TLE2: variants seen among roughly 807,000 people sequenced by gnomAD.
The protein encoded by TLE2 is TLE family member 2, transcriptional corepressor, also known as transducin-like enhancer protein 2.
A neutral mutation model predicts 97.2 loss-of-function variants in TLE2; 74 were observed. That is an observed-to-expected ratio of 0.76 (90% confidence interval 0.63 to 0.92). The LOEUF (loss-of-function observed/expected upper bound fraction) is 0.92. Among genes scored for constraint, TLE2 ranks in the 40% least tolerant of loss-of-function variants. The pLI is 0.00. For synonymous variants in TLE2, 499 were observed against 432.1 expected, an observed-to-expected ratio of 1.15 and a Z score of -1.92; for missense variants, 1,038 against 1,008.7, an observed-to-expected ratio of 1.03 and a Z score of -0.39.
At chr19:3,003,358 C>A (rs1251091545) in intron 17 of TLE2, among the ~76,000 whole-genome samples, 1 of 152,038 alleles carries the variant, frequency 6.6e-6, no homozygotes, top group African/African-American at 2.4e-5. Flanking sequence ...CAGGCCTTGG[C>A]CGGGCTCTGT....
At chr19:3,042,018 G>C (rs1456568765) in intron 1 of TLE2, among the ~76,000 whole-genome samples, 1 of 151,874 alleles carries the variant, frequency 6.6e-6, no homozygotes, top group South Asian at 2.1e-4. Context: ...TTAGCCACGC[G>C]GGCCCGGCCC....
intron 5 of TLE2, among the ~76,000 whole-genome samples, chr19:3,023,682 C>T (rs552159567): frequency 2.0e-5 from 3 of 151,984 alleles, no homozygotes; most frequent in Non-Finnish European, 2.9e-5. Context: ...TGCTTGAGTC[C>T]GGGGGTTCGA....
chr19:3,032,793 G>T (rs568815172), upstream of TLE2, among the ~76,000 whole-genome samples: 5 of 152,164 alleles, frequency 3.3e-5, no homozygotes, highest in African/African-American at 1.2e-4. The surrounding 1 kb of genome is among the most constrained non-coding windows in gnomAD (Gnocchi z 4.1). Flanking sequence ...TTGGGGGTCT[G>T]TGAAGTGCTG....
upstream of TLE2, chr19:3,047,564 A>T (rs1263098012): frequency 1.3e-5 from 2 of 150,726 alleles, no homozygotes; most frequent in Non-Finnish European, 1.5e-5. Context: ...AATACTTACT[A>T]TTGTTATTAT....
At chr19:2,999,518 G>T (rs569647738) in intron 19 of TLE2, among the ~76,000 whole-genome samples, 7 of 151,066 alleles carry the variant, frequency 4.6e-5, no homozygotes, top group African/African-American at 1.7e-4. Context: ...ATGAGGTCAG[G>T]AGATCAAGAC....
At chr19:3,042,483 G>A (rs2145235628) in intron 1 of TLE2, among the ~76,000 whole-genome samples, 1 of 146,260 alleles carries the variant, frequency 6.8e-6, no homozygotes, top group South Asian at 2.3e-4. Context: ...GGGGGCGGGA[G>A]CGGGGACGGG....
chr19:3,027,292 G>T (rs751915562), intron 4 of TLE2, among the ~76,000 whole-genome samples: 3 of 152,342 alleles, frequency 2.0e-5, no homozygotes, highest in Middle Eastern at 3.4e-3. Context: ...GTCTATTTTG[G>T]AGTAGTGGGG....
intron 9 of TLE2, 96 bp from the exon 10 acceptor site, chr19:3,014,710 G>C: frequency 8.4e-7 from 1 of 1,195,326 alleles, no homozygotes; most frequent in Non-Finnish European, 1.1e-6. Flanking sequence ...AGCCCAGCCA[G>C]CCCTGGGGCA....
At chr19:3,026,737 A>G (rs2089952375) in intron 4 of TLE2, among the ~76,000 whole-genome samples, 2 of 149,992 alleles carry the variant, frequency 1.3e-5, no homozygotes, top group African/African-American at 2.5e-5. Flanking sequence ...GTTCAGGAAC[A>G]CCTCAGAACC....
Position 3,013,712 on chromosome 19 carries a change from G to A in TLE2, c.830C>T (p.Ser277Phe), listed in dbSNP as rs771368337. 6.6e-7 allele frequency: 1 copy of A among 1,525,678 alleles called. No individual in the cohort carries two copies. Among genetic ancestry groups the A allele is most frequent in the Non-Finnish European group, 8.8e-7 (1 of 1,137,796 alleles). 94.5% of individuals were successfully genotyped at this position (1,525,678 alleles called of 1,614,324 possible). ...DLVDSPASLA[S>F]SLGSPLPRAK... ...TCTAGGCAGCGGTGAGCCAAGGCTA[G>A]AGGCCAAGGAGGCTGGACTGTCCAC... The change falls in exon 11 of 20, where the codon TCT becomes TTT. Residue 277 changes from serine to phenylalanine, a missense_variant. By Grantham distance (155) the Ser-to-Phe change is radical. Transcript: ENST00000262953.
rs78369506 is a variant in TLE2, at chr19:3,039,629, C to T, written c.63+6097G>A. Among the ~76,000 whole-genome samples, 1,084 of 152,302 alleles carry T rather than the reference C, an allele frequency of 7.1e-3. 16 individuals carry two copies. Among genetic ancestry groups the T allele is most frequent in the African/African-American group, 0.025 (1,058 of 41,568 alleles). ...TCTGGGAACACATACTATCTGCTCC[C>T]TCCTGTGTGTACGGTCTGCCCAGGC... is the stretch of plus-strand genomic sequence containing the variant. On this transcript the variant is annotated intron_variant, in intron 1 of 18. Coordinates refer to the TLE2 transcript ENST00000426948.
At chr19:3,018,701 G>A (rs568873997) in intron 7 of TLE2, among the ~76,000 whole-genome samples, 169 of 151,328 alleles carry the variant, frequency 1.1e-3, no homozygotes, top group Non-Finnish European at 1.9e-3. Flanking sequence ...TGCAACCTCC[G>A]CCTCCCAGGT....
chr19:3,022,473 G>T (rs904937125), intron 5 of TLE2, among the ~76,000 whole-genome samples: 2 of 151,012 alleles, frequency 1.3e-5, no homozygotes, highest in East Asian at 3.9e-4. Flanking sequence ...AGATTGCAGT[G>T]AGCTGAGATC....
In TLE2 at chr19:3,025,097, T is replaced by C. The variant is rs774882893; in HGVS notation, c.232-15A>G. 36 of 1,595,000 alleles carry C rather than the reference T, an allele frequency of 2.3e-5. No homozygotes were observed. Among genetic ancestry groups the C allele is most frequent in the African/African-American group, 5.4e-5 (4 of 74,356 alleles). Reference sequence around the variant, plus strand: ...ACAATCTCCGCCTGGCAGGAAGCAATGAGAGGAAGCTTGGAGCGGGGTAGA... The same window carrying C: ...ACAATCTCCGCCTGGCAGGAAGCAACGAGAGGAAGCTTGGAGCGGGGTAGA... On this transcript the variant is annotated splice_polypyrimidine_tract_variant and intron_variant, in intron 4 of 19. Transcript: ENST00000262953.
chr19:3,009,925 G>A (rs957029437), intron 12 of TLE2, among the ~76,000 whole-genome samples: 6 of 149,870 alleles, frequency 4.0e-5, no homozygotes, highest in East Asian at 2.0e-4. Context: ...TTGCTCTGTC[G>A]CCAGGCTGGA....
At chr19:3,046,792 A>G (rs1209524871), upstream of TLE2, among the ~76,000 whole-genome samples, 1 of 151,872 alleles carries the variant, frequency 6.6e-6, no homozygotes, top group Non-Finnish European at 1.5e-5. Context: ...TTCCAGAGGA[A>G]ACAGGGTGTT....
chr19:3,014,673 A>C, intron 9 of TLE2, 59 bp from the exon 10 acceptor site: 9 of 1,457,170 alleles, frequency 6.2e-6, no homozygotes, highest in Non-Finnish European at 8.3e-6. Context: ...CACACCCCCT[A>C]TCCGCTCCTC....
At chr19:3,037,729 CG>C (rs1293248366) in intron 1 of TLE2, among the ~76,000 whole-genome samples, 2 of 152,144 alleles carry the variant, frequency 1.3e-5, no homozygotes, top group Non-Finnish European at 2.9e-5. Context: ...AGAGTGACAA[CG>C]GCTCAGTGCC....
chr19:3,026,152 C>A (rs1331102084), intron 4 of TLE2, among the ~76,000 whole-genome samples: 7 of 152,052 alleles, frequency 4.6e-5, no homozygotes, highest in African/African-American at 1.7e-4. Flanking sequence ...ATTTTAGAAT[C>A]TTTGGGTCTA....
Sources: allele counts gnomAD v4.1 joint callset (sites outside exome capture counted in the v4.1 genomes callset), GRCh38; gene constraint gnomAD v4.1.1; non-coding constraint Gnocchi (gnomAD v3.1); transcripts MANE v1.5; gene names NCBI Gene and HGNC (gene_info 2026-07-23, HGNC 2026-07-21).